The following ROCK2 variants were observed in gnomAD, a reference collection of about 807,000 sequenced individuals.
ROCK2 encodes the protein rho-associated protein kinase 2.
A neutral mutation model predicts 195.1 loss-of-function variants in ROCK2; 61 were observed. That is an observed-to-expected ratio of 0.31 (90% CI 0.25 to 0.39). The LOEUF is 0.39. ROCK2 is among the 10% of genes least tolerant of loss of function. The pLI, the probability that ROCK2 is intolerant of heterozygous loss-of-function variation, is 1.00. For missense variants in ROCK2, 1,109 were observed against 1,637.4 expected, an observed-to-expected ratio of 0.68 and a Z score of 5.57; for synonymous variants, 504 against 545.5, an observed-to-expected ratio of 0.92 and a Z score of 1.06.
At chr2:11,343,305 T>C (rs1309754364) in intron 1 of ROCK2, among the ~76,000 whole-genome samples, 1 of 152,212 alleles carries the variant, frequency 6.6e-6, no homozygotes, top group Non-Finnish European at 1.5e-5. Flanking sequence ...ATTAGCAGCC[T>C]TTACGGTGCT....
intron 3 of ROCK2, among the ~76,000 whole-genome samples, chr2:11,260,725 C>G (rs1420347385): frequency 6.6e-6 from 1 of 152,060 alleles, no homozygotes; most frequent in Non-Finnish European, 1.5e-5. Flanking sequence ...TGGTAGAAAA[C>G]AGTTAAATAT....
At chr2:11,199,093 G>C (rs937584997) in intron 23 of ROCK2, among the ~76,000 whole-genome samples, 2 of 151,866 alleles carry the variant, frequency 1.3e-5, no homozygotes, top group Non-Finnish European at 2.9e-5. Context: ...TAGAGATGGG[G>C]TTTCACTATG....
intron 3 of ROCK2, among the ~76,000 whole-genome samples, chr2:11,268,299 C>A (rs1262272846): frequency 6.6e-6 from 1 of 152,094 alleles, no homozygotes; most frequent in Non-Finnish European, 1.5e-5. Flanking sequence ...ATAGGTGAGA[C>A]CCCACACCTT....
chr2:11,310,178 T>C (rs1667989125), intron 1 of ROCK2, among the ~76,000 whole-genome samples: 1 of 152,184 alleles, frequency 6.6e-6, no homozygotes, highest in Admixed American at 6.5e-5. Flanking sequence ...TTAGCCCATG[T>C]TATGGTAATC....
chr2:11,307,914 G>A (rs369318439), intron 1 of ROCK2: 8 of 1,321,616 alleles, frequency 6.1e-6, no homozygotes, highest in African/African-American at 1.5e-5. Flanking sequence ...GGTGGTGGCC[G>A]TAGCGGTCCT....
chr2:11,238,234 G>GTGTGTGTGTGTGTA (rs1218938458), intron 4 of ROCK2, among the ~76,000 whole-genome samples: 1 of 151,320 alleles, frequency 6.6e-6, no homozygotes, highest in African/African-American at 2.4e-5. Context: ...GTGTGTGTGT[G>GTGTGTGTGTGTGTA]TGTGTGTCTG....
At chr2:11,206,045 G>A (rs947565427) in intron 20 of ROCK2, among the ~76,000 whole-genome samples, 11 of 151,958 alleles carry the variant, frequency 7.2e-5, no homozygotes, top group African/African-American at 2.7e-4. Flanking sequence ...GGAAGGGAAG[G>A]TTGCAGTGAG....
chr2:11,237,825 C>A (rs927219546), intron 4 of ROCK2, among the ~76,000 whole-genome samples: 1 of 152,212 alleles, frequency 6.6e-6, no homozygotes, highest in African/African-American at 2.4e-5. Flanking sequence ...TGCCTGTAAT[C>A]CCAGCATTTT....
rs532529940 is a variant in ROCK2, at chr2:11,244,948, T to G, written c.462+4713A>C. On this transcript the variant is annotated intron_variant, in intron 4 of 32. Transcript: ENST00000315872. ...TAATAAGAAAACCAAGAGCCCATGT[T>G]TAAATAATTAAATTAAATTAAAGGT... is the stretch of plus-strand genomic sequence containing the variant. Among the ~76,000 whole-genome samples, 7 of 152,110 alleles carry G rather than the reference T, an allele frequency of 4.6e-5. No individual in the cohort carries two copies. The East Asian group carries it at 1.4e-3, about 29-fold the overall frequency.
intron 20 of ROCK2, among the ~76,000 whole-genome samples, chr2:11,206,635 A>C (rs1481299492): frequency 1.3e-5 from 2 of 152,228 alleles, no homozygotes; most frequent in East Asian, 1.9e-4. Context: ...ATCTTTTCTT[A>C]GATAGCATCA....
At chr2:11,236,632 T>C (rs1304478110) in intron 4 of ROCK2, among the ~76,000 whole-genome samples, 1 of 152,160 alleles carries the variant, frequency 6.6e-6, no homozygotes, top group Non-Finnish European at 1.5e-5. Context: ...GAAACCACAA[T>C]GTCTGAAGAA....
chr2:11,328,328 C>T (rs542940670), intron 1 of ROCK2, among the ~76,000 whole-genome samples: 39 of 152,250 alleles, frequency 2.6e-4, no homozygotes, highest in Admixed American at 4.6e-4. Flanking sequence ...AGGCTAATAT[C>T]AGAGGGTTGA....
At chr2:11,298,126 T>C (rs1667593555) in intron 1 of ROCK2, among the ~76,000 whole-genome samples, 1 of 152,086 alleles carries the variant, frequency 6.6e-6, no homozygotes, top group Non-Finnish European at 1.5e-5. Context: ...TAGACATATA[T>C]TTACAAAGAA....
intron 1 of ROCK2, among the ~76,000 whole-genome samples, chr2:11,343,706 G>T (rs1669183586): frequency 6.6e-6 from 1 of 152,184 alleles, no homozygotes; most frequent in African/African-American, 2.4e-5. Flanking sequence ...CCTCCCCAGA[G>T]TGGGCAGGCG....
chr2:11,262,687 C>T (rs1169778066), intron 3 of ROCK2, among the ~76,000 whole-genome samples: 1 of 152,098 alleles, frequency 6.6e-6, no homozygotes, highest in African/African-American at 2.4e-5. Flanking sequence ...TGAAGCCTCC[C>T]CAGCCACGTG....
At position 11,211,711 on chromosome 2, in the gene ROCK2, T is replaced by C; in HGVS notation, c.2173A>G (p.Ile725Val). The C allele has an allele frequency of 6.2e-7, 1 of 1,609,776 alleles. No individual in the cohort carries two copies. Among genetic ancestry groups the C allele is most frequent in the African/African-American group, 1.3e-5 (1 of 74,762 alleles). ...ATGGCTTCTGATTTGGCTTCTTCGA[T>C]GGACTCATAGATCTTATTTTTATCT... ...LADKNKIYES[I>V]EEAKSEAMKE... The change falls in exon 18 of 33, where the codon ATC becomes GTC. Residue 725 changes from isoleucine (I) to valine (V), a missense_variant. By Grantham distance (29) the Ile-to-Val change is conservative (BLOSUM62 3). Around this residue, in one of 6 missense-constraint regions of ROCK2, gnomAD observed 542 missense variants for 672.0 expected, o/e 0.81. Coordinates refer to ENST00000315872, the MANE Select transcript of ROCK2 (RefSeq NM_004850.5).
chr2:11,260,507 C>T (rs1046810549), intron 3 of ROCK2, among the ~76,000 whole-genome samples: 2 of 147,072 alleles, frequency 1.4e-5, no homozygotes, highest in Non-Finnish European at 3.0e-5. Context: ...TATATATTTA[C>T]ACCACTCTTC....
chr2:11,233,228 A>C (rs990788858), intron 5 of ROCK2, among the ~76,000 whole-genome samples: 1 of 152,206 alleles, frequency 6.6e-6, no homozygotes, highest in African/African-American at 2.4e-5. Flanking sequence ...ACAACAAAAA[A>C]AGATTAATGT....
chr2:11,210,119 CAT>C (rs776507233), intron 18 of ROCK2, among the ~76,000 whole-genome samples: 3 of 152,244 alleles, frequency 2.0e-5, no homozygotes, highest in African/African-American at 4.8e-5. Context: ...TTTGTGTACT[CAT>C]GTGTAAAATA....
Sources: gnomAD v4.1 joint callset for allele counts (sites outside exome capture counted in the v4.1 genomes callset) on GRCh38, gnomAD v4.1.1 for gene constraint, gnomAD v4.1.1 regional missense constraint, MANE v1.5 for transcripts, NCBI Gene and HGNC (gene_info 2026-07-23, HGNC 2026-07-21) for gene names.